The following SUCO variants were observed in gnomAD, a reference collection of about 807,000 sequenced individuals.
The protein encoded by SUCO is SUN domain containing ossification factor.
In SUCO, 57 loss-of-function variants were observed where a neutral mutation model predicts 148.1. The ratio of observed to expected loss-of-function variants is 0.38; its 90% confidence interval spans 0.31 to 0.48. The LOEUF is 0.48. SUCO is among the 20% of genes least tolerant of loss of function. The pLI is 0.96. For missense variants in SUCO, 1,331 were observed against 1,468.2 expected, an observed-to-expected ratio of 0.91 and a Z score of 1.53; for synonymous variants, 470 against 502.7, an observed-to-expected ratio of 0.93 and a Z score of 0.87.
chr1:172,578,394 G>C lies in SUCO; in HGVS notation c.1432+5G>C. 6.2e-7 allele frequency: 1 copy of C among 1,606,754 alleles called. No homozygotes were observed. Among genetic ancestry groups the C allele is most frequent in the East Asian group, 2.2e-5 (1 of 44,738 alleles). ...AACTATTTGATGAGGACTATGGTAA[G>C]TGACATCAAACAGATGACTGTTAGG... On this transcript the variant is annotated splice_donor_5th_base_variant and intron_variant, in intron 14 of 23. Transcript: ENST00000263688.
chr1:172,570,766 A>C, intron 9 of SUCO, 36 bp downstream of exon 9: 1 of 1,180,736 alleles, frequency 8.5e-7, no homozygotes, highest in Non-Finnish European at 1.3e-6. Context: ...TACATTCTAC[A>C]TATATATGCA....
intron 10 of SUCO, 28 bp from the exon 11 acceptor site, chr1:172,575,490 A>C: frequency 2.0e-6 from 3 of 1,494,910 alleles, no homozygotes; most frequent in Non-Finnish European, 2.8e-6. Context: ...TAATTTTTAA[A>C]AAAGAACATA....
chr1:172,609,831 T>A lies in SUCO; in HGVS notation c.3337T>A (p.Tyr1113Asn). Reference protein sequence around the residue: ...SPEKKKKRCKYKIEKIETIKP... With the variant: ...SPEKKKKRCKNKIEKIETIKP... Reference sequence around the variant, plus strand: ...TGTGTTGTAGAAGAAGCGCTGCAAGTACAAAATTGAAAAAATTGAGACCAT... The same window carrying A: ...TGTGTTGTAGAAGAAGCGCTGCAAGAACAAAATTGAAAAAATTGAGACCAT... The change falls in exon 24 of 24, where the codon TAC (tyrosine) becomes AAC (asparagine). Residue 1113 changes from tyrosine (Y) to asparagine (N), a missense_variant. Around this residue, in one of 3 missense-constraint regions of SUCO, gnomAD observed 334 missense variants for 352.3 expected, o/e 0.95. Coordinates refer to ENST00000263688, the MANE Select transcript of SUCO (RefSeq NM_014283.5). The A allele has an allele frequency of 6.3e-7, 1 of 1,597,132 alleles. No homozygotes were observed. The highest frequency in any genetic ancestry group is 8.5e-7 in the Non-Finnish European group (1 of 1,175,160).
chr1:172,546,735 C>A (rs979270201), intron 1 of SUCO, among the ~76,000 whole-genome samples: 1 of 152,098 alleles, frequency 6.6e-6, no homozygotes, highest in Non-Finnish European at 1.5e-5. Flanking sequence ...ATGGCAAAAC[C>A]CCATCTCTTC....
chr1:172,532,914 T>C, upstream of SUCO: 2 of 1,392,322 alleles, frequency 1.4e-6, no homozygotes, highest in East Asian at 2.4e-5. Context: ...CATCTGCTCC[T>C]GCGCTTTGTG....
chr1:172,607,469 T>C (rs1360455819), intron 22 of SUCO, among the ~76,000 whole-genome samples: 1 of 151,620 alleles, frequency 6.6e-6, no homozygotes, highest in Non-Finnish European at 1.5e-5. Context: ...AAACTTTGGG[T>C]GGGCCCTAGG....
chr1:172,601,556 A>C (rs1379779184), intron 20 of SUCO, among the ~76,000 whole-genome samples: 1 of 152,128 alleles, frequency 6.6e-6, no homozygotes, highest in African/African-American at 2.4e-5. Context: ...GACTTAGAGT[A>C]GGATTCTAAA....
In SUCO at chr1:172,553,257, T is replaced by C; in HGVS notation, c.178-3T>C. ...GGTGATTTTTGTTGTTGTTGTTATA[T>C]AGGATGAAAGAGAGGGACCTATCAA... On this transcript the variant is annotated splice_polypyrimidine_tract_variant and splice_region_variant and intron_variant, in intron 2 of 23. Transcript: ENST00000263688. The C allele has an allele frequency of 6.4e-7, 1 of 1,571,528 alleles. No homozygotes were observed. The highest frequency in any genetic ancestry group is 8.7e-7 in the Non-Finnish European group (1 of 1,154,706).
intron 15 of SUCO, among the ~76,000 whole-genome samples, chr1:172,582,266 A>G (rs1055724149): frequency 6.6e-6 from 1 of 152,140 alleles, no homozygotes; most frequent in East Asian, 1.9e-4. Flanking sequence ...TAGAAGGACC[A>G]TTTTCCTAGA....
At chr1:172,533,642 T>A in intron 1 of SUCO, 145 bp downstream of exon 1, 1 of 1,073,188 alleles carries the variant, frequency 9.3e-7, no homozygotes, top group Non-Finnish European at 1.3e-6. Flanking sequence ...ACTTCTCGAC[T>A]CTCCATCTGA....
Position 172,542,648 on chromosome 1 carries a change from C to A in SUCO, c.63-8864C>A, listed in dbSNP as rs932958358. Reference sequence around the variant, plus strand: ...TGTACTCCTTATGAGAATCTAATGGCCCCCCACCCCATCCATGGCAAAGTA... The same window carrying A: ...TGTACTCCTTATGAGAATCTAATGGACCCCCACCCCATCCATGGCAAAGTA... On this transcript the variant is annotated intron_variant, in intron 1 of 23. Coordinates refer to ENST00000263688, the MANE Select transcript of SUCO (RefSeq NM_014283.5). 4 of 748,480 alleles carry A rather than the reference C, an allele frequency of 5.3e-6. No homozygotes were observed. In the African/African-American group the frequency reaches 7.6e-5, roughly 14 times the overall value. 46.4% of individuals were successfully genotyped at this position (748,480 alleles called of 1,614,324 possible).
At chr1:172,577,428 A>G in intron 11 of SUCO, 111 bp from the exon 12 acceptor site, 1 of 1,016,264 alleles carries the variant, frequency 9.8e-7, no homozygotes, top group Non-Finnish European at 1.4e-6. Context: ...ATCACATGAC[A>G]TTACTCTCTA....
chr1:172,554,025 A>G (rs1431951495), intron 3 of SUCO, among the ~76,000 whole-genome samples: 8 of 152,216 alleles, frequency 5.3e-5, no homozygotes, highest in Non-Finnish European at 8.8e-5. Context: ...AAAAGAACAC[A>G]CATTTCAACT....
At chr1:172,608,993 A>T (rs1435555560) in intron 23 of SUCO, among the ~76,000 whole-genome samples, 191 bp downstream of exon 23, 3 of 152,106 alleles carry the variant, frequency 2.0e-5, no homozygotes, top group African/African-American at 7.2e-5. Flanking sequence ...ATGGGCCATG[A>T]GCCAGATAGG....
intron 21 of SUCO, 32 bp from the exon 22 acceptor site, chr1:172,602,664 G>A: frequency 1.2e-6 from 2 of 1,606,688 alleles, no homozygotes; most frequent in Non-Finnish European, 1.7e-6. Context: ...TTTACTCGTT[G>A]TAACCAATAT....
At chr1:172,600,564 G>A (rs1657433562) in intron 20 of SUCO, among the ~76,000 whole-genome samples, 1 of 152,124 alleles carries the variant, frequency 6.6e-6, no homozygotes, top group Admixed American at 6.5e-5. Context: ...ACACTCCTAG[G>A]TTGTGGTATA....
intron 22 of SUCO, among the ~76,000 whole-genome samples, chr1:172,603,943 TG>T (rs1465836147): frequency 1.3e-5 from 2 of 152,000 alleles, no homozygotes; most frequent in Non-Finnish European, 2.9e-5. Flanking sequence ...TACATACTTT[TG>T]GTAAACACCT....
At chr1:172,585,785 T>C in intron 16 of SUCO, 73 bp from the exon 17 acceptor site, 1 of 1,046,038 alleles carries the variant, frequency 9.6e-7, no homozygotes, top group South Asian at 1.9e-5. Flanking sequence ...TCCAAGAAAT[T>C]TGTTTTAGTA....
At chr1:172,564,533 A>G (rs1204283295) in intron 6 of SUCO, among the ~76,000 whole-genome samples, 1 of 151,842 alleles carries the variant, frequency 6.6e-6, no homozygotes, top group Non-Finnish European at 1.5e-5. Flanking sequence ...GTCTTCCACC[A>G]TGATTGTAAG....
Sources: gnomAD v4.1 joint callset for allele counts (sites outside exome capture counted in the v4.1 genomes callset) on GRCh38, gnomAD v4.1.1 for gene constraint, gnomAD v4.1.1 regional missense constraint, MANE v1.5 for transcripts, NCBI Gene and HGNC (gene_info 2026-07-23, HGNC 2026-07-21) for gene names.